The following PMM2 variants were observed in gnomAD, a reference collection of about 807,000 sequenced individuals.
The protein encoded by PMM2 is phosphomannomutase 2.
Under a neutral mutation model 33.2 loss-of-function variants are expected in PMM2, and 35 were observed. The observed-to-expected ratio is 1.06, with a 90% CI of 0.81 to 1.40. PMM2 has a LOEUF of 1.40. PMM2 is among the 40% of genes most tolerant of loss of function. The pLI, the probability that PMM2 is intolerant of heterozygous loss-of-function variation, is 0.00. For missense variants in PMM2, 386 were observed against 306.0 expected, an observed-to-expected ratio of 1.26 and a Z score of -1.95; for synonymous variants, 153 against 114.7, an observed-to-expected ratio of 1.33 and a Z score of -2.13.
At chr16:8,827,129 A>G (rs567713462) in intron 7 of PMM2, among the ~76,000 whole-genome samples, 1 of 152,268 alleles carries the variant, frequency 6.6e-6, no homozygotes, top group South Asian at 2.1e-4. Flanking sequence ...CTGTCTGCTT[A>G]CACTTCTTGG....
At chr16:8,816,552 A>T (rs62031148) in intron 7 of PMM2, among the ~76,000 whole-genome samples, 1 of 150,024 alleles carries the variant, frequency 6.7e-6, no homozygotes, top group African/African-American at 2.4e-5. Flanking sequence ...GACCAGCCTG[A>T]CCAACATGGA....
At chr16:8,834,526 G>A (rs540978130) in intron 7 of PMM2, among the ~76,000 whole-genome samples, 32 of 152,218 alleles carry the variant, frequency 2.1e-4, no homozygotes, top group Non-Finnish European at 2.2e-4. Context: ...CTCGGGGCAT[G>A]TTGAGTGAAG....
intron 7 of PMM2, among the ~76,000 whole-genome samples, chr16:8,845,843 A>C (rs1044115802): frequency 6.8e-6 from 1 of 147,986 alleles, no homozygotes; most frequent in Non-Finnish European, 1.5e-5. Flanking sequence ...CTAGCTTGGC[A>C]CTGTTGGACA....
At chr16:8,818,064 C>T (rs150598945) in intron 7 of PMM2, among the ~76,000 whole-genome samples, 340 of 152,126 alleles carry the variant, frequency 2.2e-3, no homozygotes, top group African/African-American at 7.8e-3. Flanking sequence ...CCACCACGCC[C>T]GGCTAATTTT....
At position 8,835,008 on chromosome 16, in the gene PMM2, A is replaced by G. The variant is rs370832373; in HGVS notation, c.640-12716A>G. Among the ~76,000 whole-genome samples the G allele has an allele frequency of 3.8e-3, 573 of 151,884 alleles. 5 individuals carry two copies. The highest frequency in any genetic ancestry group is 0.013 in the African/African-American group (548 of 41,358). ...GGAGCAGAAAGTATATGCATCAGGT[A>G]TGAGGAAGAAAGTAGATTTTGGAAG... On this transcript the variant is annotated intron_variant, in intron 7 of 7. Coordinates refer to ENST00000268261, the MANE Select transcript of PMM2 (RefSeq NM_000303.3).
At chr16:8,820,040 A>G (rs1455150381) in intron 7 of PMM2, among the ~76,000 whole-genome samples, 1 of 152,248 alleles carries the variant, frequency 6.6e-6, no homozygotes, top group African/African-American at 2.4e-5. Flanking sequence ...TAGCTTAAAA[A>G]TACAAAAATT....
At chr16:8,839,673 G>T (rs983817533) in intron 7 of PMM2, among the ~76,000 whole-genome samples, 3 of 151,932 alleles carry the variant, frequency 2.0e-5, no homozygotes, top group Admixed American at 1.3e-4. Flanking sequence ...ATTGATAGCG[G>T]GCTTGTCTGT....
Position 8,813,120 on chromosome 16 carries a change from T to C in PMM2, c.639+14T>C, listed in dbSNP as rs1479481323. 1 of 1,460,886 alleles carries C rather than the reference T, an allele frequency of 6.8e-7. No homozygotes were observed. Among genetic ancestry groups the C allele is most frequent in the Non-Finnish European group, 9.6e-7 (1 of 1,040,132 alleles). 90.5% of individuals were successfully genotyped at this position (1,460,886 alleles called of 1,614,324 possible). A position where few individuals can be genotyped will look rare whatever the true frequency, so the allele number is the denominator to read the frequency against. On this transcript the variant is annotated intron_variant, in intron 7 of 7. Coordinates refer to ENST00000268261, the MANE Select transcript of PMM2 (RefSeq NM_000303.3). ...AAAACTATGCCAGTAAGTAGAGAAGTGTTTGTGCACCTTCATTGTTGCATT... is the reference window on the plus strand; with the variant it reads ...AAAACTATGCCAGTAAGTAGAGAAGCGTTTGTGCACCTTCATTGTTGCATT...
chr16:8,822,004 A>AC (rs997894188), intron 7 of PMM2, among the ~76,000 whole-genome samples: 2 of 152,238 alleles, frequency 1.3e-5, no homozygotes, highest in Non-Finnish European at 1.5e-5. Flanking sequence ...ATTTATCAAG[A>AC]CAGGAGAGTT....
intron 2 of PMM2, chr16:8,802,445 T>A (rs1298915101): frequency 8.1e-6 from 3 of 371,446 alleles, no homozygotes; most frequent in Non-Finnish European, 1.6e-5. Flanking sequence ...CATTCTGTAA[T>A]TATTGTAAAC....
chr16:8,841,481 A>G (rs2060890550), intron 7 of PMM2, among the ~76,000 whole-genome samples: 1 of 133,472 alleles, frequency 7.5e-6, no homozygotes, highest in African/African-American at 2.7e-5. Flanking sequence ...CTTGATGTGT[A>G]GGGAAGGGAA....
intron 6 of PMM2, among the ~76,000 whole-genome samples, chr16:8,811,972 G>A (rs755402548): frequency 1.5e-4 from 23 of 152,146 alleles, no homozygotes; most frequent in Non-Finnish European, 2.5e-4. Flanking sequence ...CTTCCTACCT[G>A]GACTCCTCTC....
At position 8,832,281 on chromosome 16, in the gene PMM2, G is replaced by A. The variant is rs183185103; in HGVS notation, c.640-15443G>A. On this transcript the variant is annotated intron_variant, in intron 7 of 7. Coordinates refer to ENST00000268261, the MANE Select transcript of PMM2 (RefSeq NM_000303.3). ...TGTGATGCAGATGCTCCTGCGAGCCGTGCGGCTCTCTGAAAGCGGGTGGAG... is the reference window on the plus strand; with the variant it reads ...TGTGATGCAGATGCTCCTGCGAGCCATGCGGCTCTCTGAAAGCGGGTGGAG... The A allele has an allele frequency of 8.0e-5, 79 of 985,468 alleles. No homozygotes were observed. The African/African-American group carries it at 1.2e-3, about 15-fold the overall frequency. The allele number at this position is 985,468 out of a possible 1,614,324, so 61.0% of individuals were successfully genotyped here. A position where few individuals can be genotyped will look rare whatever the true frequency, so the allele number is the denominator to read the frequency against.
chr16:8,800,641 A>T (rs1055675522), intron 1 of PMM2, among the ~76,000 whole-genome samples: 2 of 150,942 alleles, frequency 1.3e-5, no homozygotes, highest in African/African-American at 2.4e-5. Flanking sequence ...GGGTGATTGC[A>T]ATAAAATCAA....
chr16:8,822,279 A>C (rs2060743174), intron 7 of PMM2, among the ~76,000 whole-genome samples: 1 of 152,200 alleles, frequency 6.6e-6, no homozygotes, highest in East Asian at 1.9e-4. Context: ...GTGGCATCAG[A>C]TACTGCATCA....
intron 7 of PMM2, among the ~76,000 whole-genome samples, chr16:8,833,318 T>A (rs547587330): frequency 4.6e-5 from 7 of 152,194 alleles, no homozygotes; most frequent in African/African-American, 1.7e-4. Flanking sequence ...TTGATCAGTT[T>A]GGGTGGGGCA....
At chr16:8,812,928 A>G in intron 6 of PMM2, 63 bp from the exon 7 acceptor site, 2 of 920,206 alleles carry the variant, frequency 2.2e-6, no homozygotes, top group Admixed American at 1.7e-5. Context: ...TGTTTTTTTC[A>G]GTGACATATC....
At chr16:8,827,718 GCATATATATATATATATATATA>G (rs1168736221) in intron 7 of PMM2, among the ~76,000 whole-genome samples, 2 of 42,832 alleles carry the variant, frequency 4.7e-5, no homozygotes, top group African/African-American at 2.2e-4. Flanking sequence ...TTAAATGTGT[GCATATATATATATATATATATA>G]TATATATATA....
intron 7 of PMM2, among the ~76,000 whole-genome samples, chr16:8,840,300 A>G (rs1382809669): frequency 2.0e-5 from 3 of 152,044 alleles, no homozygotes; most frequent in African/African-American, 7.2e-5. Context: ...TTGCCAGCAA[A>G]GATCATCTAT....
Sources: gnomAD v4.1 joint callset for allele counts (sites outside exome capture counted in the v4.1 genomes callset) on GRCh38, gnomAD v4.1.1 for gene constraint, MANE v1.5 for transcripts, NCBI Gene and HGNC (gene_info 2026-07-23, HGNC 2026-07-21) for gene names.